Variants in ZMYM1 observed in about 807,000 individuals in gnomAD.
ZMYM1 encodes the protein zinc finger MYM-type protein 1.
Under a neutral mutation model 60.0 loss-of-function variants are expected in ZMYM1, and 39 were observed. The observed-to-expected ratio is 0.65, with a 90% CI of 0.50 to 0.85. The LOEUF (loss-of-function observed/expected upper bound fraction) is 0.85. Among genes scored for constraint, ZMYM1 ranks in the 40% least tolerant of loss-of-function variants. The pLI, the probability that ZMYM1 is intolerant of heterozygous loss-of-function variation, is 0.00. For synonymous variants in ZMYM1, 413 were observed against 454.0 expected (o/e 0.91, Z 1.15); for missense variants, 1,171 against 1,309.5 (o/e 0.89, Z 1.63).
intron 1 of ZMYM1, among the ~76,000 whole-genome samples, chr1:35,080,181 G>T (rs1337106792): frequency 6.6e-6 from 1 of 152,010 alleles, no homozygotes; most frequent in Non-Finnish European, 1.5e-5. Flanking sequence ...TAAGGTATTT[G>T]GTATCAGGGA....
chr1:35,062,849 G>T (rs916530494), intron 1 of ZMYM1, among the ~76,000 whole-genome samples: 7 of 152,202 alleles, frequency 4.6e-5, no homozygotes, highest in Non-Finnish European at 8.8e-5. Flanking sequence ...CCACATCACT[G>T]CTAATGCTAA....
At chr1:35,088,774 C>T (rs1349631609) in intron 1 of ZMYM1, among the ~76,000 whole-genome samples, 2 of 149,978 alleles carry the variant, frequency 1.3e-5, no homozygotes, top group African/African-American at 4.9e-5. Flanking sequence ...ATAGCATTTT[C>T]CCTTGCCTCA....
downstream of ZMYM1, among the ~76,000 whole-genome samples, chr1:35,118,293 G>T (rs184679590): frequency 4.7e-4 from 71 of 151,284 alleles, no homozygotes; most frequent in African/African-American, 1.5e-3. Flanking sequence ...TTGAATGTGT[G>T]TTGCATATAT....
In ZMYM1 at chr1:35,110,332, A is replaced by G. The variant is rs374134267; in HGVS notation, c.846A>G (p.Pro282=). 1.5e-5 allele frequency: 24 copies of G among 1,582,782 alleles called. No homozygotes were observed. Among genetic ancestry groups the G allele is most frequent in the African/African-American group, 1.1e-4 (8 of 72,892 alleles). Reference sequence around the variant, plus strand: ...CACTTATATCTGTTCCTTGCAAACCATTGAAGCCCTCAGATGAAATGATTG... The same window carrying G: ...CACTTATATCTGTTCCTTGCAAACCGTTGAAGCCCTCAGATGAAATGATTG... ...AKPLISVPCK[P]LKPSDEMIET... is the part of the protein sequence containing the mutation. Residue 282 remains proline, a synonymous_variant, in exon 7 of 10, where the codon CCA becomes CCG. Coordinates refer to ENST00000359858, the MANE Select transcript of ZMYM1 (RefSeq NM_024772.5).
At chr1:35,085,881 C>G (rs1168335752) in intron 1 of ZMYM1, among the ~76,000 whole-genome samples, 1 of 152,148 alleles carries the variant, frequency 6.6e-6, no homozygotes. Context: ...AATGGAAGCC[C>G]ACATACTCTG....
At chr1:35,094,817 C>G (rs1643220827) in intron 2 of ZMYM1, among the ~76,000 whole-genome samples, 1 of 152,054 alleles carries the variant, frequency 6.6e-6, no homozygotes, top group African/African-American at 2.4e-5. Flanking sequence ...CCATTGCACT[C>G]CAGCCTGGGT....
upstream of ZMYM1, among the ~76,000 whole-genome samples, chr1:35,076,160 G>A (rs1407884957): frequency 1.3e-5 from 2 of 152,094 alleles, no homozygotes; most frequent in Non-Finnish European, 2.9e-5. Flanking sequence ...CATAACCCCA[G>A]ATATAAAGGA....
chr1:35,092,570 TTTTC>T (rs905790264), intron 1 of ZMYM1, among the ~76,000 whole-genome samples: 19 of 151,078 alleles, frequency 1.3e-4, no homozygotes, highest in African/African-American at 3.9e-4. Flanking sequence ...TTTCTTTTCC[TTTTC>T]TTTCTTTCTT....
intron 9 of ZMYM1, 121 bp from the exon 10 acceptor site, chr1:35,112,856 C>T (rs28677042): frequency 8.4e-6 from 7 of 829,648 alleles, no homozygotes; most frequent in Non-Finnish European, 5.0e-6. Flanking sequence ...ACGTTTCCCC[C>T]TAGTGGAGCT....
At chr1:35,103,738 C>T (rs548340361) in intron 4 of ZMYM1, among the ~76,000 whole-genome samples, 3 of 152,282 alleles carry the variant, frequency 2.0e-5, no homozygotes, top group African/African-American at 7.2e-5. Context: ...ATGTTGCAAA[C>T]ATCAACACGG....
intron 1 of ZMYM1, among the ~76,000 whole-genome samples, chr1:35,061,457 T>C (rs1461471310): frequency 6.6e-6 from 1 of 152,112 alleles, no homozygotes; most frequent in Non-Finnish European, 1.5e-5. Flanking sequence ...TAGATATAGA[T>C]AGATAGATAC....
intron 1 of ZMYM1, among the ~76,000 whole-genome samples, chr1:35,070,992 C>A (rs1341640234): frequency 6.6e-6 from 1 of 152,096 alleles, no homozygotes; most frequent in African/African-American, 2.4e-5. Flanking sequence ...TGAAGCAATT[C>A]TCATGCTTCA....
rs1177416546 is a variant in ZMYM1, at chr1:35,088,937, G to A, written c.-74-4977G>A. Among the ~76,000 whole-genome samples, 3 of 150,278 alleles carry A rather than the reference G, an allele frequency of 2.0e-5. No individual in the cohort carries two copies. In the Admixed American group the frequency reaches 2.0e-4, roughly 10 times the overall value. On this transcript the variant is annotated intron_variant, in intron 1 of 9. Transcript: ENST00000359858. ...AGCAATTCTACTGTCTCAGCCTTCC[G>A]AGTAGCTGGGATTACAGGCGCCCAC...
At chr1:35,068,236 T>C (rs987248956) in intron 1 of ZMYM1, among the ~76,000 whole-genome samples, 4 of 151,582 alleles carry the variant, frequency 2.6e-5, no homozygotes, top group Admixed American at 1.3e-4. Flanking sequence ...CTGGCAAACA[T>C]GGCAAAACTC....
At chr1:35,071,902 G>C (rs983758256) in intron 1 of ZMYM1, among the ~76,000 whole-genome samples, 5 of 152,210 alleles carry the variant, frequency 3.3e-5, no homozygotes, top group African/African-American at 1.2e-4. Flanking sequence ...ACTTTGGGAG[G>C]CTAAGGCGGG....
chr1:35,112,158 C>CT (rs1345701208), intron 9 of ZMYM1, 28 bp downstream of exon 9: 4 of 1,608,616 alleles, frequency 2.5e-6, no homozygotes, highest in Non-Finnish European at 3.4e-6. Context: ...TTACCACTGT[C>CT]TTTTTTTAAT....
chr1:35,065,863 T>C (rs542811404), intron 1 of ZMYM1, among the ~76,000 whole-genome samples: 1 of 152,176 alleles, frequency 6.6e-6, no homozygotes, highest in South Asian at 2.1e-4. Context: ...GAGGGGATAT[T>C]GCTACAGGGC....
At chr1:35,117,412 C>T (rs143510504), downstream of ZMYM1, among the ~76,000 whole-genome samples, 24 of 152,062 alleles carry the variant, frequency 1.6e-4, no homozygotes, top group Non-Finnish European at 2.8e-4. Flanking sequence ...CTCCACCTCG[C>T]GGGTTCAAGT....
At chr1:35,098,295 T>C (rs1643448251) in intron 4 of ZMYM1, among the ~76,000 whole-genome samples, 1 of 152,172 alleles carries the variant, frequency 6.6e-6, no homozygotes, top group Non-Finnish European at 1.5e-5. Context: ...AACCTACATG[T>C]CTCTATGTAA....
Sources: allele counts gnomAD v4.1 joint callset (sites outside exome capture counted in the v4.1 genomes callset), GRCh38; gene constraint gnomAD v4.1.1; transcripts MANE v1.5; gene names NCBI Gene and HGNC (gene_info 2026-07-23, HGNC 2026-07-21).